The following ARHGAP44 variants were observed in gnomAD, a reference collection of about 807,000 sequenced individuals.
ARHGAP44 encodes rho GTPase-activating protein 44.
ARHGAP44 carries 43 observed loss-of-function variants against 106.8 expected under a neutral mutation model. The observed-to-expected ratio is 0.40, with a 90% CI of 0.32 to 0.52. ARHGAP44 has a LOEUF of 0.52. ARHGAP44 is among the 20% of genes least tolerant of loss of function. ARHGAP44 has a pLI of 0.48. For synonymous variants in ARHGAP44, 439 were observed against 410.3 expected, an observed-to-expected ratio of 1.07 and a Z score of -0.85; for missense variants, 866 against 1,050.5, an observed-to-expected ratio of 0.82 and a Z score of 2.43.
At chr17:12,947,446 T>C (rs1223711882) in intron 10 of ARHGAP44, among the ~76,000 whole-genome samples, 1 of 152,176 alleles carries the variant, frequency 6.6e-6, no homozygotes, top group Non-Finnish European at 1.5e-5. Context: ...CAGGGTCCTC[T>C]GTTTGGCACC....
At chr17:12,815,137 T>A (rs563557780) in intron 1 of ARHGAP44, among the ~76,000 whole-genome samples, 81 of 152,290 alleles carry the variant, frequency 5.3e-4, no homozygotes, top group Non-Finnish European at 1.0e-3. Context: ...TGATTTTTTT[T>A]TTTTAAAAGA....
At chr17:12,819,990 T>C (rs2034719231) in intron 1 of ARHGAP44, among the ~76,000 whole-genome samples, 1 of 152,142 alleles carries the variant, frequency 6.6e-6, no homozygotes, top group Non-Finnish European at 1.5e-5. Flanking sequence ...GCCTATGCCA[T>C]AGAAGGAGAT....
At chr17:12,976,616 A>AG (rs977907263) in intron 18 of ARHGAP44, among the ~76,000 whole-genome samples, 1 of 150,666 alleles carries the variant, frequency 6.6e-6, no homozygotes, top group African/African-American at 2.4e-5. Flanking sequence ...CTGTGTCAAA[A>AG]AAAAAAAAAA....
intron 6 of ARHGAP44, among the ~76,000 whole-genome samples, chr17:12,920,660 G>T (rs1385503641): frequency 1.3e-5 from 2 of 152,172 alleles, no homozygotes; most frequent in Non-Finnish European, 2.9e-5. Flanking sequence ...GAGCCAGGAG[G>T]TAGGATGGTT....
chr17:12,894,622 C>T (rs1439077118), intron 1 of ARHGAP44, among the ~76,000 whole-genome samples: 3 of 152,014 alleles, frequency 2.0e-5, no homozygotes, highest in African/African-American at 4.8e-5. Flanking sequence ...GGAGGCCAAG[C>T]GTTATGGGTG....
intron 1 of ARHGAP44, among the ~76,000 whole-genome samples, chr17:12,808,164 G>A (rs1057497687): frequency 6.6e-6 from 1 of 152,216 alleles, no homozygotes; most frequent in African/African-American, 2.4e-5. Flanking sequence ...TTGTGGATTT[G>A]CAGGCTACAG....
intron 7 of ARHGAP44, among the ~76,000 whole-genome samples, chr17:12,930,946 G>C (rs906494911): frequency 6.6e-6 from 1 of 152,200 alleles, no homozygotes; most frequent in African/African-American, 2.4e-5. Context: ...AGCCATAACA[G>C]TTATAAGGAT....
chr17:12,921,822 C>G (rs1472395566), intron 6 of ARHGAP44, among the ~76,000 whole-genome samples: 3 of 152,058 alleles, frequency 2.0e-5, no homozygotes, highest in Non-Finnish European at 4.4e-5. Context: ...ATATCACTTC[C>G]CAAGTGCTTT....
At chr17:12,879,733 T>TAC (rs757560105) in intron 1 of ARHGAP44, among the ~76,000 whole-genome samples, 2,173 of 148,386 alleles carry the variant, frequency 0.015, 30 homozygotes, top group African/African-American at 0.026. Flanking sequence ...TATATATATA[T>TAC]ACACACACAC....
rs544121361 is a variant in ARHGAP44, at chr17:12,976,869, C to T, written c.1763+2559C>T. Among the ~76,000 whole-genome samples, 6 of 152,212 alleles carry T rather than the reference C, an allele frequency of 3.9e-5. No individual in the cohort carries two copies. In the East Asian group the frequency reaches 7.7e-4, roughly 20 times the overall value. ...CTGAGAGTGGTGGGCCAGGTGAGGC[C>T]GACCAGGAGGAAACGGACCCACAGG... is the stretch of plus-strand genomic sequence containing the variant. On this transcript the variant is annotated intron_variant, in intron 18 of 20. Transcript: ENST00000379672.
chr17:12,893,639 C>T (rs892609969), intron 1 of ARHGAP44, among the ~76,000 whole-genome samples: 1 of 152,146 alleles, frequency 6.6e-6, no homozygotes, highest in East Asian at 1.9e-4. Context: ...GTTGTTACAG[C>T]CTGGTAGGAG....
chr17:12,881,320 C>A (rs2036731132), intron 1 of ARHGAP44, among the ~76,000 whole-genome samples: 1 of 151,792 alleles, frequency 6.6e-6, no homozygotes, highest in South Asian at 2.1e-4. Context: ...GTCTTTAATT[C>A]ATTGGTATTT....
chr17:12,872,756 T>C (rs1413881059), intron 1 of ARHGAP44, among the ~76,000 whole-genome samples: 1 of 152,186 alleles, frequency 6.6e-6, no homozygotes, highest in African/African-American at 2.4e-5. Flanking sequence ...AAAATTAATA[T>C]TTATCTGTAT....
rs528992269 is a variant in ARHGAP44, at chr17:12,986,996, G to A, written c.2317+2088G>A. ...AATCCATCATGGTTTGATGTGGCCC[G>A]TCTGGGACTGTGATATTGGCATAGC... On this transcript the variant is annotated intron_variant, in intron 20 of 20. Transcript: ENST00000379672. 252 of 1,099,876 alleles carry A rather than the reference G, an allele frequency of 2.3e-4. 1 individual carries two copies. The highest frequency in any genetic ancestry group is 1.1e-4 in the Non-Finnish European group (85 of 768,468). The allele number at this position is 1,099,876 out of a possible 1,614,324, so 68.1% of individuals were successfully genotyped here. A position where few individuals can be genotyped will look rare whatever the true frequency, so the allele number is the denominator to read the frequency against.
intron 1 of ARHGAP44, among the ~76,000 whole-genome samples, chr17:12,878,010 AG>A (rs1248931409): frequency 1.3e-5 from 2 of 152,194 alleles, no homozygotes; most frequent in Non-Finnish European, 2.9e-5. Context: ...CATTTCCTAA[AG>A]TGTATTCACC....
At chr17:12,847,936 C>T (rs1457541477) in intron 1 of ARHGAP44, among the ~76,000 whole-genome samples, 1 of 152,204 alleles carries the variant, frequency 6.6e-6, no homozygotes, top group East Asian at 1.9e-4. Context: ...GCTGTCCTAA[C>T]AGTATTGTAT....
chr17:12,815,662 A>G (rs2034577846), intron 1 of ARHGAP44, among the ~76,000 whole-genome samples: 1 of 152,208 alleles, frequency 6.6e-6, no homozygotes, highest in African/African-American at 2.4e-5. Flanking sequence ...GGAATCCAGG[A>G]ACTGCCCAGG....
At chr17:12,915,508 GCTTT>G (rs1169328588) in intron 4 of ARHGAP44, among the ~76,000 whole-genome samples, 10 of 152,100 alleles carry the variant, frequency 6.6e-5, no homozygotes, top group African/African-American at 2.4e-4. Context: ...AGGAGTCAGG[GCTTT>G]CTTTCTATCA....
At position 12,990,262 on chromosome 17, in the gene ARHGAP44, C is replaced by T. The variant is rs2040095880; in HGVS notation, c.*91C>T. 3 of 1,463,088 alleles carry T rather than the reference C, an allele frequency of 2.1e-6. No homozygotes were observed. The highest frequency in any genetic ancestry group is 1.8e-6 in the Non-Finnish European group (2 of 1,091,438). The allele number at this position is 1,463,088 out of a possible 1,614,324, so 90.6% of individuals were successfully genotyped here. The stretch of plus-strand genomic sequence containing the variant: ...AGCGTCCATGAGCTTGCCAAGTGTT[C>T]TCTGCTGGCTCTTTCCTGCCACTGC... On this transcript the variant is annotated 3_prime_UTR_variant, in exon 21 of 21. Transcript: ENST00000379672.
Sources: gnomAD v4.1 joint callset for allele counts (sites outside exome capture counted in the v4.1 genomes callset) on GRCh38, gnomAD v4.1.1 for gene constraint, MANE v1.5 for transcripts, NCBI Gene and HGNC (gene_info 2026-07-23, HGNC 2026-07-21) for gene names.